Variants in SFXN5 observed in about 807,000 individuals in gnomAD.
SFXN5 encodes the protein sideroflexin 5, also known as sideroflexin-5.
A neutral mutation model predicts 50.2 loss-of-function variants in SFXN5; 43 were observed. That is an observed-to-expected ratio of 0.86 (90% confidence interval 0.67 to 1.11). SFXN5 has a LOEUF of 1.11. Ranked by LOEUF, SFXN5 falls within the 50% of genes least tolerant of loss-of-function variation. The probability of loss-of-function intolerance (pLI) is 0.00; values close to 1 mark genes in which losing one functional copy is unlikely to be tolerated. For synonymous variants in SFXN5, 203 were observed against 185.8 expected (o/e 1.09, Z -0.75); for missense variants, 463 against 454.1 (o/e 1.02, Z -0.18).
chr2:73,058,479 G>A (rs755278168), intron 2 of SFXN5, 49 bp downstream of exon 2: 10 of 1,548,786 alleles, frequency 6.5e-6, no homozygotes, highest in Non-Finnish European at 8.9e-6. Context: ...ATTCTGAAAT[G>A]ACAAGGTACA....
chr2:72,987,203 C>A (rs972967334), intron 10 of SFXN5, among the ~76,000 whole-genome samples: 1 of 152,012 alleles, frequency 6.6e-6, no homozygotes, highest in South Asian at 2.1e-4. Context: ...ACCTCCAACT[C>A]CCTGGTTCAA....
chr2:73,011,026 A>G (rs548053930), intron 6 of SFXN5, among the ~76,000 whole-genome samples: 1 of 152,336 alleles, frequency 6.6e-6, no homozygotes, highest in South Asian at 2.1e-4. Flanking sequence ...CAAAAGCATA[A>G]AAGAATAATT....
intron 9 of SFXN5, among the ~76,000 whole-genome samples, chr2:72,991,608 C>A (rs143518851): frequency 8.5e-5 from 13 of 152,244 alleles, no homozygotes; most frequent in African/African-American, 2.9e-4. Flanking sequence ...AGGACAGCCA[C>A]GGCCTGAGAA....
chr2:72,994,257 G>A (rs1206722353), intron 9 of SFXN5, among the ~76,000 whole-genome samples: 9 of 152,206 alleles, frequency 5.9e-5, no homozygotes, highest in African/African-American at 1.9e-4. Flanking sequence ...CACTCCAGAA[G>A]TGCTAGCCAT....
intron 1 of SFXN5, among the ~76,000 whole-genome samples, chr2:73,062,961 A>G (rs776409355): frequency 6.6e-6 from 1 of 152,110 alleles, no homozygotes; most frequent in African/African-American, 2.4e-5. Flanking sequence ...TCAACCCACT[A>G]CCGAGGATCT....
At position 73,059,581 on chromosome 2, in the gene SFXN5, A is replaced by C. The variant is rs544684048; in HGVS notation, c.103-985T>G. ...CTCCAGGTCACCTCAAAGTCCCCCCACACACCAGTTCTCATCCCACCTCCA... is the reference window on the plus strand; with the variant it reads ...CTCCAGGTCACCTCAAAGTCCCCCCCCACACCAGTTCTCATCCCACCTCCA... On this transcript the variant is annotated intron_variant, in intron 1 of 13. Transcript: ENST00000272433. The C allele has an allele frequency of 9.7e-4, 953 of 985,196 alleles. 2 individuals carry two copies. The highest frequency in any genetic ancestry group is 1.1e-3 in the Non-Finnish European group (915 of 829,872). The allele number at this position is 985,196 out of a possible 1,614,324, so 61.0% of individuals were successfully genotyped here.
At chr2:72,946,848 T>C (rs1671996592) in intron 13 of SFXN5, among the ~76,000 whole-genome samples, 2 of 152,152 alleles carry the variant, frequency 1.3e-5, no homozygotes, top group African/African-American at 4.8e-5. Flanking sequence ...AATGGCTCCA[T>C]GGCACCCTGA....
intron 1 of SFXN5, among the ~76,000 whole-genome samples, chr2:73,060,830 G>C (rs1270482342): frequency 2.6e-5 from 4 of 151,764 alleles, no homozygotes; most frequent in Non-Finnish European, 4.4e-5. Flanking sequence ...CTCCCGAGTA[G>C]CTGTGACTAC....
chr2:72,991,690 G>C (rs536445523), intron 9 of SFXN5, among the ~76,000 whole-genome samples: 1 of 152,238 alleles, frequency 6.6e-6, no homozygotes, highest in Non-Finnish European at 1.5e-5. Flanking sequence ...CTTTGGCCTT[G>C]AACATTTGGT....
At chr2:73,002,050 C>T (rs1673984031) in intron 6 of SFXN5, among the ~76,000 whole-genome samples, 1 of 152,198 alleles carries the variant, frequency 6.6e-6, no homozygotes, top group African/African-American at 2.4e-5. Flanking sequence ...CCCTAGCCTT[C>T]CCGTAGGATT....
intron 2 of SFXN5, among the ~76,000 whole-genome samples, chr2:73,047,237 AAAAAAAAAATAT>A (rs1459853408): frequency 7.0e-5 from 2 of 28,462 alleles, no homozygotes; most frequent in African/African-American, 1.7e-4. Context: ...AAAAAAAAAA[AAAAAAAAAATAT>A]ATATATATAT....
intron 10 of SFXN5, among the ~76,000 whole-genome samples, chr2:72,977,538 G>A (rs112321316): frequency 6.6e-5 from 10 of 152,228 alleles, no homozygotes; most frequent in African/African-American, 2.4e-4. Flanking sequence ...AGGTTTTGGA[G>A]GCTAAACCTC....
chr2:73,009,228 T>C (rs1043162748), intron 6 of SFXN5, among the ~76,000 whole-genome samples: 4 of 152,204 alleles, frequency 2.6e-5, no homozygotes, highest in African/African-American at 9.7e-5. Flanking sequence ...GACTGGAACC[T>C]TCACTCCCCT....
At chr2:73,056,916 C>G (rs947326436) in intron 2 of SFXN5, among the ~76,000 whole-genome samples, 1 of 152,148 alleles carries the variant, frequency 6.6e-6, no homozygotes, top group African/African-American at 2.4e-5. Context: ...ATCATAGGAT[C>G]CAGCAATCCC....
chr2:73,059,663 C>A, intron 1 of SFXN5: 1 of 894,626 alleles, frequency 1.1e-6, no homozygotes, highest in Non-Finnish European at 1.3e-6. Context: ...TAATGCCACC[C>A]CTACCCAGGT....
chr2:72,977,183 G>A (rs1574010794), intron 10 of SFXN5, among the ~76,000 whole-genome samples: 1 of 152,176 alleles, frequency 6.6e-6, no homozygotes, highest in African/African-American at 2.4e-5. Flanking sequence ...TCTTCCACAA[G>A]CCTGAGATGA....
chr2:73,071,489 G>T (rs973647583), intron 1 of SFXN5, 115 bp downstream of exon 1: 2 of 924,166 alleles, frequency 2.2e-6, no homozygotes, highest in African/African-American at 3.3e-5. Context: ...GGCGCTAGCT[G>T]CAGGCTCCGC....
rs150671541 is a variant in SFXN5 at position 72,961,539 on chromosome 2, C to T, written c.828-291G>A. Among the ~76,000 whole-genome samples, 3 of 152,196 alleles carry T rather than the reference C, an allele frequency of 2.0e-5. No homozygotes were observed. The highest frequency in any genetic ancestry group is 2.9e-5 in the Non-Finnish European group (2 of 68,038). On this transcript the variant is annotated intron_variant, in intron 12 of 13. Coordinates refer to ENST00000272433, the MANE Select transcript of SFXN5 (RefSeq NM_144579.3). This position sits in a 1 kb window ranked among gnomAD's most constrained non-coding sequence, Gnocchi z 4.4. ...GTACTTTCGGGGCACCCACCCGCCA[C>T]GCGTCCAGCCCCGTGCCAAGAAGGC...
intron 10 of SFXN5, among the ~76,000 whole-genome samples, chr2:72,987,406 C>A (rs1180764664): frequency 6.6e-6 from 1 of 152,008 alleles, no homozygotes; most frequent in Non-Finnish European, 1.5e-5. Context: ...CCACACCCAG[C>A]CTAGATGTGC....
Sources: allele counts gnomAD v4.1 joint callset (sites outside exome capture counted in the v4.1 genomes callset), GRCh38; gene constraint gnomAD v4.1.1; non-coding constraint Gnocchi (gnomAD v3.1); transcripts MANE v1.5; gene names NCBI Gene and HGNC (gene_info 2026-07-23, HGNC 2026-07-21).